Variants in FHIT observed in about 807,000 individuals in gnomAD.
FHIT encodes fragile histidine triad diadenosine triphosphatase, also known as bis(5'-adenosyl)-triphosphatase.
FHIT carries 19 observed loss-of-function variants against 17.9 expected under a neutral mutation model. That is an observed-to-expected ratio of 1.06 (90% CI 0.74 to 1.56). FHIT has a LOEUF of 1.56. FHIT is among the 40% of genes most tolerant of loss of function. The pLI is 0.00. For missense variants in FHIT, 248 were observed against 189.2 expected, an observed-to-expected ratio of 1.31 and a Z score of -1.82; for synonymous variants, 81 against 69.7, an observed-to-expected ratio of 1.16 and a Z score of -0.81.
chr3:59,902,556 C>T (rs937866623), intron 8 of FHIT, among the ~76,000 whole-genome samples: 1 of 151,330 alleles, frequency 6.6e-6, no homozygotes, highest in African/African-American at 2.4e-5. Flanking sequence ...TATCCACTGA[C>T]AGATAAATAC....
intron 8 of FHIT, among the ~76,000 whole-genome samples, chr3:59,901,591 T>C (rs7645600): frequency 7.3e-4 from 111 of 152,260 alleles, no homozygotes; most frequent in Non-Finnish European, 1.4e-3. Flanking sequence ...TTCATGCTTA[T>C]TGCTTATTCG....
intron 4 of FHIT, among the ~76,000 whole-genome samples, chr3:60,561,892 A>C (rs1195597095): frequency 6.6e-6 from 1 of 151,994 alleles, no homozygotes; most frequent in African/African-American, 2.4e-5. Context: ...AAATGAAAGA[A>C]AAGAAAAAAA....
At chr3:60,869,051 C>T (rs1454164345) in intron 3 of FHIT, among the ~76,000 whole-genome samples, 1 of 152,134 alleles carries the variant, frequency 6.6e-6, no homozygotes, top group East Asian at 1.9e-4. Flanking sequence ...AGGAACCAAC[C>T]TCAGATTGGT....
At chr3:60,808,413 T>C (rs1701469747) in intron 4 of FHIT, among the ~76,000 whole-genome samples, 1 of 152,106 alleles carries the variant, frequency 6.6e-6, no homozygotes, top group African/African-American at 2.4e-5. Context: ...AGATGTGTAG[T>C]CTGGAAATAC....
chr3:60,949,397 T>G (rs965623255), intron 3 of FHIT, among the ~76,000 whole-genome samples: 2 of 152,166 alleles, frequency 1.3e-5, no homozygotes, highest in African/African-American at 2.4e-5. Flanking sequence ...CCCACTCCCA[T>G]TTGACAACCT....
At chr3:60,844,176 T>C (rs1702842318) in intron 3 of FHIT, among the ~76,000 whole-genome samples, 1 of 152,178 alleles carries the variant, frequency 6.6e-6, no homozygotes, top group Admixed American at 6.5e-5. Flanking sequence ...TATTCACCCA[T>C]TCTGATTTGG....
chr3:60,141,758 C>G (rs749563230), intron 5 of FHIT, among the ~76,000 whole-genome samples: 1 of 152,146 alleles, frequency 6.6e-6, no homozygotes, highest in Non-Finnish European at 1.5e-5. Context: ...TTAATTTCCA[C>G]GTTTACCAAC....
At chr3:59,972,005 T>C (rs1398660969) in intron 7 of FHIT, among the ~76,000 whole-genome samples, 3 of 152,128 alleles carry the variant, frequency 2.0e-5, no homozygotes, top group African/African-American at 4.8e-5. Context: ...AGACATGCCT[T>C]GCTCCATCAC....
At chr3:60,189,154 G>C (rs1411222563) in intron 5 of FHIT, among the ~76,000 whole-genome samples, 1 of 151,292 alleles carries the variant, frequency 6.6e-6, no homozygotes, top group East Asian at 2.0e-4. Context: ...TAGAGCTGGT[G>C]ATCAGTCTGA....
At chr3:59,893,412 C>G (rs147157530) in intron 8 of FHIT, among the ~76,000 whole-genome samples, 18 of 152,264 alleles carry the variant, frequency 1.2e-4, no homozygotes, top group African/African-American at 3.6e-4. Flanking sequence ...ATAACATGAA[C>G]TGATTGGTGC....
intron 5 of FHIT, among the ~76,000 whole-genome samples, chr3:60,132,892 G>T (rs940673218): frequency 6.6e-6 from 1 of 152,138 alleles, no homozygotes; most frequent in African/African-American, 2.4e-5. Context: ...ACATTTGAGT[G>T]ATCTTTAAAA....
At chr3:60,206,597 A>G (rs17062463) in intron 5 of FHIT, among the ~76,000 whole-genome samples, 2,085 of 152,324 alleles carry the variant, frequency 0.014, 38 homozygotes, top group African/African-American at 0.047. Context: ...GGCTGCACCA[A>G]AACGAATTTA....
At chr3:59,907,518 T>C (rs1219817676) in intron 8 of FHIT, among the ~76,000 whole-genome samples, 3 of 152,176 alleles carry the variant, frequency 2.0e-5, no homozygotes, top group Admixed American at 6.5e-5. Context: ...GAGTTTAAAA[T>C]AGAGTTTCAA....
In FHIT at chr3:60,322,879, C is replaced by T. The variant is rs139827687; in HGVS notation, c.103+213981G>A. On this transcript the variant is annotated intron_variant, in intron 5 of 9. Transcript: ENST00000492590. Reference sequence around the variant, plus strand: ...AGGAAATGATATCCCAAATTTGAACCGTCTGAATTATGAAAAAAATACAAT... The same window carrying T: ...AGGAAATGATATCCCAAATTTGAACTGTCTGAATTATGAAAAAAATACAAT... Among the ~76,000 whole-genome samples the T allele has an allele frequency of 3.2e-3, 489 of 152,164 alleles. 1 individual carries two copies. The highest frequency in any genetic ancestry group is 0.011 in the African/African-American group (469 of 41,512).
chr3:60,439,508 T>A (rs190646297), intron 5 of FHIT, among the ~76,000 whole-genome samples: 2 of 151,744 alleles, frequency 1.3e-5, no homozygotes, highest in Non-Finnish European at 2.9e-5. Context: ...CTGCTTTTAG[T>A]TTTGGGTACG....
In FHIT at chr3:60,952,354, C is replaced by T. The variant is rs1458738535; in HGVS notation, c.-111+89693G>A. 2.0e-5 allele frequency among the ~76,000 whole-genome samples: 3 copies of T among 152,088 alleles called. No homozygotes were observed. The East Asian group carries it at 5.8e-4, about 29-fold the overall frequency. On this transcript the variant is annotated intron_variant, in intron 3 of 9. Transcript: ENST00000492590. The stretch of plus-strand genomic sequence containing the variant: ...ACTTGACAAGTCAGTGACAACTTGG[C>T]CTATTTATTCATCTTTTAACCGTTT...
chr3:60,568,236 A>AG (rs2037212565), intron 4 of FHIT, among the ~76,000 whole-genome samples: 1 of 152,228 alleles, frequency 6.6e-6, no homozygotes, highest in African/African-American at 2.4e-5. Context: ...GACTGGATTA[A>AG]CAAAATGTGG....
chr3:60,470,966 G>A (rs1219959877), intron 5 of FHIT, among the ~76,000 whole-genome samples: 1 of 152,166 alleles, frequency 6.6e-6, no homozygotes, highest in African/African-American at 2.4e-5. Context: ...CTTCATTCAA[G>A]GCAGCAGGTT....
intron 5 of FHIT, among the ~76,000 whole-genome samples, chr3:60,124,755 C>T (rs1237420732): frequency 6.6e-6 from 1 of 152,144 alleles, no homozygotes; most frequent in African/African-American, 2.4e-5. Flanking sequence ...GATTTATTGA[C>T]AACAAAAATA....
Sources: allele counts gnomAD v4.1 joint callset (sites outside exome capture counted in the v4.1 genomes callset), GRCh38; gene constraint gnomAD v4.1.1; transcripts MANE v1.5; gene names NCBI Gene and HGNC (gene_info 2026-07-23, HGNC 2026-07-21).